The following DHRSX variants were observed in gnomAD, a reference collection of about 807,000 sequenced individuals.
DHRSX encodes polyprenol dehydrogenase.
In DHRSX, 31 loss-of-function variants were observed where a neutral mutation model predicts 34.0. That is an observed-to-expected ratio of 0.91 (90% CI 0.69 to 1.23). The LOEUF (loss-of-function observed/expected upper bound fraction) is 1.23. Among genes scored for constraint, DHRSX ranks in the 50% most tolerant of loss-of-function variants. The pLI is 0.00. For synonymous variants in DHRSX, 201 were observed against 183.8 expected, an observed-to-expected ratio of 1.09 and a Z score of -0.76; for missense variants, 414 against 428.1, an observed-to-expected ratio of 0.97 and a Z score of 0.29.
chrX:2,394,729 G>C (rs1163375643), intron 3 of DHRSX, among the ~76,000 whole-genome samples: 2 of 152,142 alleles, frequency 1.3e-5, no homozygotes, highest in African/African-American at 2.4e-5. Context: ...AGATGGGCGT[G>C]GTGGCACGTG....
intron 5 of DHRSX, among the ~76,000 whole-genome samples, chrX:2,256,398 C>T (rs561203099): frequency 9.9e-5 from 15 of 151,758 alleles, no homozygotes; most frequent in African/African-American, 3.6e-4. Flanking sequence ...CGGGTTCAAA[C>T]AATTCTCCTG....
intron 3 of DHRSX, among the ~76,000 whole-genome samples, chrX:2,316,407 C>G (rs1365609492): frequency 1.3e-5 from 2 of 152,118 alleles, no homozygotes; most frequent in Non-Finnish European, 2.9e-5. Context: ...CAAAAATTAG[C>G]CAGGCATGGT....
intron 3 of DHRSX, among the ~76,000 whole-genome samples, chrX:2,361,260 A>C (rs1198784590): frequency 6.6e-6 from 1 of 151,938 alleles, no homozygotes; most frequent in Non-Finnish European, 1.5e-5. Context: ...ACAGGCGCCC[A>C]CCACCACACC....
chrX:2,221,056 A>G lies in DHRSX; in HGVS notation c.978T>C (p.Leu326=). ...AGACAGGATATCACAGGGTCACATC[A>G]AGGACCCCAGTCATCTCACAACTCT... The part of the protein sequence containing the change: ...WSKSCEMTGV[L]DVTL Residue 326 remains leucine (L), a synonymous_variant, in exon 7 of 7, where the codon CTT becomes CTC. Coordinates refer to ENST00000334651, the MANE Select transcript of DHRSX (RefSeq NM_145177.3). The G allele has an allele frequency of 6.2e-7, 1 of 1,613,802 alleles. No individual in the cohort carries two copies. The highest frequency in any genetic ancestry group is 8.5e-7 in the Non-Finnish European group (1 of 1,179,792).
chrX:2,230,289 G>C (rs772427225), intron 6 of DHRSX, among the ~76,000 whole-genome samples: 2 of 152,324 alleles, frequency 1.3e-5, no homozygotes, highest in African/African-American at 4.8e-5. Context: ...TGAGAGCTGT[G>C]GGTTGTGCTA....
chrX:2,370,413 C>G (rs1261300261), intron 3 of DHRSX, among the ~76,000 whole-genome samples: 4 of 152,006 alleles, frequency 2.6e-5, no homozygotes, highest in Non-Finnish European at 5.9e-5. Flanking sequence ...CTCAGGTGAT[C>G]CACCCGCCTC....
chrX:2,372,970 T>C (rs1454450074), intron 3 of DHRSX, among the ~76,000 whole-genome samples: 1 of 152,156 alleles, frequency 6.6e-6, no homozygotes, highest in Non-Finnish European at 1.5e-5. Flanking sequence ...CTGTATTAGT[T>C]CATTCTCACG....
chrX:2,420,129 C>G (rs2124645851), intron 2 of DHRSX, among the ~76,000 whole-genome samples: 1 of 152,240 alleles, frequency 6.6e-6, no homozygotes, highest in Non-Finnish European at 1.5e-5. Context: ...GAGAATGAGG[C>G]CGGGCGCAGT....
intron 3 of DHRSX, among the ~76,000 whole-genome samples, chrX:2,353,213 C>T (rs2124577361): frequency 6.6e-6 from 1 of 152,302 alleles, no homozygotes; most frequent in Non-Finnish European, 1.5e-5. Context: ...TATTACACTT[C>T]AGCCTGGGCG....
At position 2,308,451 on chromosome X, in the gene DHRSX, A is replaced by C. The variant is rs185881154; in HGVS notation, c.287-16848T>G. On this transcript the variant is annotated intron_variant, in intron 3 of 6. Coordinates refer to ENST00000334651, the MANE Select transcript of DHRSX (RefSeq NM_145177.3). The stretch of plus-strand genomic sequence containing the variant: ...GTTAAAACGTTCACATTTATCAGCC[A>C]AACAAGCAAAAACCAAGTAGAAATG... Among the ~76,000 whole-genome samples the C allele has an allele frequency of 1.4e-4, 21 of 152,278 alleles. No individual in the cohort carries two copies. In the East Asian group the frequency reaches 3.9e-3, roughly 28 times the overall value.
At chrX:2,343,548 G>T (rs1250551739) in intron 3 of DHRSX, among the ~76,000 whole-genome samples, 1 of 152,172 alleles carries the variant, frequency 6.6e-6, no homozygotes, top group Non-Finnish European at 1.5e-5. Flanking sequence ...GGTCATGAAA[G>T]AACAGGGCTT....
chrX:2,480,311 G>A (rs1489436026), intron 1 of DHRSX, among the ~76,000 whole-genome samples: 3 of 150,244 alleles, frequency 2.0e-5, no homozygotes, highest in Non-Finnish European at 4.4e-5. Flanking sequence ...TAAAAAAGCT[G>A]AACGCATAAA....
chrX:2,223,003 T>G (rs2015555133), intron 6 of DHRSX, among the ~76,000 whole-genome samples: 2 of 152,122 alleles, frequency 1.3e-5, no homozygotes, highest in Non-Finnish European at 2.9e-5. Context: ...TTCTGCTGCC[T>G]AAAAAGAAAT....
intron 1 of DHRSX, among the ~76,000 whole-genome samples, chrX:2,466,448 A>C (rs2044497731): frequency 6.6e-6 from 1 of 152,174 alleles, no homozygotes. Context: ...CAAAAGAAAA[A>C]GAAAAAAAGA....
intron 1 of DHRSX, among the ~76,000 whole-genome samples, chrX:2,459,811 G>A (rs548574234): frequency 6.6e-6 from 1 of 151,782 alleles, no homozygotes; most frequent in African/African-American, 2.4e-5. Context: ...ATGTGCTCAA[G>A]GTGTATCTAC....
chrX:2,316,080 T>C (rs2042238579), intron 3 of DHRSX, among the ~76,000 whole-genome samples: 1 of 152,042 alleles, frequency 6.6e-6, no homozygotes, highest in Non-Finnish European at 1.5e-5. Context: ...AAGAGTGGTC[T>C]CAAACTCCTG....
rs184662612 is a variant in DHRSX at position 2,255,785 on chromosome X, G to A, written c.596+10955C>T. Among the ~76,000 whole-genome samples, 143 of 151,720 alleles carry A rather than the reference G, an allele frequency of 9.4e-4. 1 individual carries two copies. The East Asian group carries it at 0.025, about 27-fold the overall frequency. ...CAAAAATTAGGTGGGCATGGTGGCG[G>A]TGCCTGTAGTCCCAGCTACCCGGGA... is the stretch of plus-strand genomic sequence containing the variant. On this transcript the variant is annotated intron_variant, in intron 5 of 6. Coordinates refer to ENST00000334651, the MANE Select transcript of DHRSX (RefSeq NM_145177.3).
chrX:2,444,988 C>G (rs753439695), intron 1 of DHRSX, among the ~76,000 whole-genome samples: 1 of 152,146 alleles, frequency 6.6e-6, no homozygotes, highest in African/African-American at 2.4e-5. Context: ...GAAACCCCGT[C>G]TCTACTAAAA....
intron 1 of DHRSX, among the ~76,000 whole-genome samples, chrX:2,493,403 T>C (rs376688600): frequency 8.5e-5 from 13 of 152,052 alleles, no homozygotes; most frequent in African/African-American, 2.2e-4. Flanking sequence ...TTATTATTTG[T>C]GCTATTGGGC....
Sources: allele counts gnomAD v4.1 joint callset (sites outside exome capture counted in the v4.1 genomes callset), GRCh38; gene constraint gnomAD v4.1.1; transcripts MANE v1.5; gene names NCBI Gene and HGNC (gene_info 2026-07-23, HGNC 2026-07-21).